The following MSR1 variants were observed in gnomAD, a reference collection of about 807,000 sequenced individuals.
MSR1 encodes the protein macrophage scavenger receptor types I and II.
A neutral mutation model predicts 47.2 loss-of-function variants in MSR1; 53 were observed. That is an observed-to-expected ratio of 1.12 (90% CI 0.90 to 1.41). The LOEUF is 1.41. Ranked by LOEUF, MSR1 falls within the 40% of genes most tolerant of loss-of-function variation. The pLI, the probability that MSR1 is intolerant of heterozygous loss-of-function variation, is 0.00. For missense variants in MSR1, 786 were observed against 546.9 expected (o/e 1.44, Z -4.36); for synonymous variants, 239 against 185.6 (o/e 1.29, Z -2.34).
In MSR1 at chr8:16,170,095, A is replaced by T. The variant is rs144008701; in HGVS notation, c.218-1225T>A. 4.3e-3 allele frequency among the ~76,000 whole-genome samples: 648 copies of T among 152,246 alleles called. 7 individuals are homozygous for T. The highest frequency in any genetic ancestry group is 0.015 in the African/African-American group (626 of 41,544). On this transcript the variant is annotated intron_variant, in intron 3 of 9. Transcript: ENST00000262101. ...CCGGGTGCGTTGGCTCATGCCTGTA[A>T]TCCCAGCACTTTGGGAGGCGCAGGG...
chr8:16,157,982 T>C (rs111597284), intron 5 of MSR1, among the ~76,000 whole-genome samples: 64 of 152,098 alleles, frequency 4.2e-4, no homozygotes, highest in African/African-American at 1.5e-3. Context: ...GAGTCTCTTG[T>C]AGTCACCTTT....
At position 16,126,920 on chromosome 8, in the gene MSR1, G is replaced by A. The variant is rs73205016; in HGVS notation, c.1034-6314C>T. 3.3e-3 allele frequency among the ~76,000 whole-genome samples: 507 copies of A among 152,240 alleles called. 3 individuals are homozygous for A. Among genetic ancestry groups the A allele is most frequent in the Non-Finnish European group, 5.9e-3 (399 of 68,002 alleles). ...ATCCTCATGGGGAGAACACCAGAGTGATAGATTCCTTGTGGGGATTAAGTA... is the reference window on the plus strand; with the variant it reads ...ATCCTCATGGGGAGAACACCAGAGTAATAGATTCCTTGTGGGGATTAAGTA... On this transcript the variant is annotated intron_variant, in intron 8 of 9. Coordinates refer to ENST00000262101, the MANE Select transcript of MSR1 (RefSeq NM_138715.3).
chr8:16,139,605 AT>A, intron 8 of MSR1: 1 of 975,074 alleles, frequency 1.0e-6, no homozygotes, highest in South Asian at 4.8e-5. Flanking sequence ...CCCATAAGAG[AT>A]TTTTAGAACA....
At chr8:16,174,225 G>T (rs1417511420) in intron 3 of MSR1, among the ~76,000 whole-genome samples, 2 of 151,244 alleles carry the variant, frequency 1.3e-5, no homozygotes, top group East Asian at 2.0e-4. Flanking sequence ...TGTAGCAGAG[G>T]AACTTTGGCC....
At chr8:16,147,530 T>C (rs190677760) in intron 7 of MSR1, among the ~76,000 whole-genome samples, 108 of 152,322 alleles carry the variant, frequency 7.1e-4, no homozygotes, top group African/African-American at 2.5e-3. Context: ...CAATGTAAAG[T>C]ATCAAAGAGT....
intron 5 of MSR1, among the ~76,000 whole-genome samples, chr8:16,160,900 T>C (rs948185537): frequency 4.6e-5 from 7 of 151,834 alleles, no homozygotes; most frequent in Non-Finnish European, 8.8e-5. Context: ...ACAGACCAAG[T>C]AGAAGTTTAG....
intron 1 of MSR1, among the ~76,000 whole-genome samples, chr8:16,180,553 A>T (rs1231111293): frequency 6.6e-6 from 1 of 152,200 alleles, no homozygotes; most frequent in Non-Finnish European, 1.5e-5. Flanking sequence ...CATAAAGCCA[A>T]CATCTTCTGA....
At chr8:16,128,592 T>C (rs1189300350) in intron 8 of MSR1, among the ~76,000 whole-genome samples, 2 of 152,178 alleles carry the variant, frequency 1.3e-5, no homozygotes, top group Non-Finnish European at 2.9e-5. Flanking sequence ...TATTCTGTTC[T>C]GACAGCCCAA....
At chr8:16,166,439 G>C (rs1415545911) in intron 4 of MSR1, among the ~76,000 whole-genome samples, 2 of 151,982 alleles carry the variant, frequency 1.3e-5, no homozygotes, top group African/African-American at 2.4e-5. Context: ...GGGATTACAG[G>C]TGTGAGGCAC....
chr8:16,187,364 C>CAAAAAAAAAAAAA (rs751848634), intron 1 of MSR1, among the ~76,000 whole-genome samples: 3 of 35,414 alleles, frequency 8.5e-5, no homozygotes, highest in African/African-American at 3.6e-4. Context: ...ACTCTGTCTC[C>CAAAAAAAAAAAAA]AAAAAAAAAA....
intron 7 of MSR1, among the ~76,000 whole-genome samples, chr8:16,147,921 G>A (rs1038723997): frequency 2.0e-5 from 3 of 151,986 alleles, no homozygotes; most frequent in Non-Finnish European, 2.9e-5. Context: ...TAGCATCACC[G>A]TCACCTGGAC....
At chr8:16,165,144 T>C (rs1459882056) in intron 4 of MSR1, among the ~76,000 whole-genome samples, 3 of 152,200 alleles carry the variant, frequency 2.0e-5, no homozygotes, top group Admixed American at 6.5e-5. Flanking sequence ...ATAGAACATC[T>C]TCCTGAAGTG....
At chr8:16,165,851 C>G (rs188352468) in intron 4 of MSR1, among the ~76,000 whole-genome samples, 1 of 152,192 alleles carries the variant, frequency 6.6e-6, no homozygotes, top group East Asian at 1.9e-4. Context: ...TGTGCCTTCT[C>G]CCAAACAAAA....
At chr8:16,151,857 G>A (rs1395267309) in intron 6 of MSR1, among the ~76,000 whole-genome samples, 1 of 152,142 alleles carries the variant, frequency 6.6e-6, no homozygotes, top group Non-Finnish European at 1.5e-5. Context: ...CTGCACTCAT[G>A]CCCATTGGGG....
chr8:16,141,234 A>G (rs1449940056), intron 8 of MSR1: 8 of 631,728 alleles, frequency 1.3e-5, no homozygotes, highest in Non-Finnish European at 2.2e-5. Flanking sequence ...CATTTACAAT[A>G]ATTCATCAAA....
rs114940328 is a variant in MSR1, at chr8:16,184,937, T to C, written c.-4-6945A>G. The stretch of plus-strand genomic sequence containing the variant: ...ACCTAGTACATGTCTATGAGTGATT[T>C]AGACTAACTGACACTATTTAGTCTA... On this transcript the variant is annotated intron_variant, in intron 1 of 9. Transcript: ENST00000262101. Among the ~76,000 whole-genome samples the C allele has an allele frequency of 3.1e-3, 468 of 151,930 alleles. 2 individuals are homozygous for C. The highest frequency in any genetic ancestry group is 0.01 in the African/African-American group (423 of 41,376).
Position 16,108,990 on chromosome 8 carries a change from T to C in MSR1, c.*1095A>G, listed in dbSNP as rs760605775. On this transcript the variant is annotated 3_prime_UTR_variant, in exon 10 of 10. Coordinates refer to ENST00000262101, the MANE Select transcript of MSR1 (RefSeq NM_138715.3). ...GAGGTTGAATTCATTTGCGCTTTAA[T>C]ATCAACTGCTGGTCTTTCTGCAGGC... 3 of 152,120 alleles carry C rather than the reference T, an allele frequency of 2.0e-5. No homozygotes were observed. The highest frequency in any genetic ancestry group is 4.4e-5 in the Non-Finnish European group (3 of 68,010). 9.4% of individuals were successfully genotyped at this position (152,120 alleles called of 1,614,324 possible).
intron 1 of MSR1, among the ~76,000 whole-genome samples, chr8:16,180,603 C>G (rs1282019566): frequency 3.3e-5 from 5 of 152,156 alleles, no homozygotes; most frequent in Admixed American, 1.3e-4. Context: ...ATGGACTTAG[C>G]ACAGCACAGT....
chr8:16,155,638 GAT>G (rs1306946033), intron 5 of MSR1, among the ~76,000 whole-genome samples: 4 of 151,938 alleles, frequency 2.6e-5, no homozygotes, highest in Non-Finnish European at 5.9e-5. Context: ...CATAAACTCA[GAT>G]ATTTGTCAGT....
Sources: gnomAD v4.1 joint callset for allele counts (sites outside exome capture counted in the v4.1 genomes callset) on GRCh38, gnomAD v4.1.1 for gene constraint, MANE v1.5 for transcripts, NCBI Gene and HGNC (gene_info 2026-07-23, HGNC 2026-07-21) for gene names.